SYCP2: variants seen among roughly 807,000 people sequenced by gnomAD.
SYCP2 encodes the protein synaptonemal complex protein 2.
In SYCP2, 55 loss-of-function variants were observed where a neutral mutation model predicts 211.3. That is an observed-to-expected ratio of 0.26 (90% CI 0.21 to 0.33). The LOEUF (loss-of-function observed/expected upper bound fraction) is 0.33. Ranked by LOEUF, SYCP2 falls within the 10% of genes least tolerant of loss-of-function variation. The pLI is 1.00. For missense variants in SYCP2, 1,731 were observed against 1,752.0 expected (o/e 0.99, Z 0.21); for synonymous variants, 570 against 555.2 (o/e 1.03, Z -0.37).
chr20:59,886,859 T>A, intron 24 of SYCP2, 25 bp from the exon 25 acceptor site: 1 of 1,535,844 alleles, frequency 6.5e-7, no homozygotes, highest in South Asian at 1.2e-5. Flanking sequence ...AAGTTACTTT[T>A]AAACTCTACC....
At chr20:59,902,570 A>AC (rs2060134781) in intron 15 of SYCP2, among the ~76,000 whole-genome samples, 1 of 152,118 alleles carries the variant, frequency 6.6e-6, no homozygotes, top group Non-Finnish European at 1.5e-5. Flanking sequence ...AGGATCACAC[A>AC]AAGTAGGGAA....
chr20:59,908,837 C>T (rs945626533), intron 14 of SYCP2, among the ~76,000 whole-genome samples: 2 of 152,140 alleles, frequency 1.3e-5, no homozygotes, highest in African/African-American at 4.8e-5. Context: ...CCTTCACCAT[C>T]AATTTATGAA....
In SYCP2 at chr20:59,914,085, TTC is replaced by T. The variant is rs761433094; in HGVS notation, c.777+22_777+23del. ...TAATAATTTTTAAAAATTCACGAATTTCTGTTATTGTTATACAACTTACTGTT... is the reference window on the plus strand; with the variant it reads ...TAATAATTTTTAAAAATTCACGAATTTGTTATTGTTATACAACTTACTGTT... On this transcript the variant is annotated intron_variant, in intron 11 of 44. Transcript: ENST00000357552. The T allele has an allele frequency of 8.0e-5, 127 of 1,579,990 alleles. No individual in the cohort carries two copies. The South Asian group carries it at 1.3e-3, about 16-fold the overall frequency.
Position 59,875,283 on chromosome 20 carries a change from C to G in SYCP2, c.3337G>C (p.Glu1113Gln). ...RSLSGSPSSI[E>Q]VTRCIEKITE... ...AAGTTATACTGACATCTCGTTACTT[C>G]TATAGATGATGGACTGCCAGATAAA... The change falls in exon 34 of 45, where the codon GAA becomes CAA. Residue 1113 changes from glutamate (E) to glutamine (Q), a missense_variant. By Grantham distance (29) the Glu-to-Gln change is conservative. Transcript: ENST00000357552. 1 of 1,605,072 alleles carries G rather than the reference C, an allele frequency of 6.2e-7. No individual in the cohort carries two copies. Among genetic ancestry groups the G allele is most frequent in the Non-Finnish European group, 8.5e-7 (1 of 1,175,094 alleles).
intron 14 of SYCP2, 27 bp downstream of exon 14, chr20:59,911,723 G>A (rs1378863235): frequency 8.1e-7 from 1 of 1,230,200 alleles, no homozygotes; most frequent in African/African-American, 1.5e-5. Flanking sequence ...TATACATAAA[G>A]AATAATACCA....
chr20:59,868,545 T>C lies in SYCP2; in HGVS notation c.3856A>G (p.Lys1286Glu). The stretch of plus-strand genomic sequence containing the variant: ...AGATTATCTTCTATATATATTCTTT[T>C]GCGACTAAGATGTTGGGTGGGGCCT... Reference protein sequence around the residue: ...VSGPTQHLSRKRIYIEDNLSN... With the variant: ...VSGPTQHLSRERIYIEDNLSN... Residue 1286 changes from lysine (K) to glutamate (E), a missense_variant, in exon 38 of 45, where the codon AAA (lysine) becomes GAA (glutamate). Physicochemically the swap from Lys to Glu is moderately conservative, Grantham distance 56. This residue lies in a region of SYCP2 where 1,387 missense variants were observed against 1,351.3 expected (regional missense o/e 1.03). Transcript: ENST00000357552. The C allele has an allele frequency of 6.2e-7, 1 of 1,605,056 alleles. No individual in the cohort carries two copies. The highest frequency in any genetic ancestry group is 2.2e-5 in the East Asian group (1 of 44,644).
At chr20:59,866,611 G>A in intron 39 of SYCP2, 22 bp from the exon 40 acceptor site, 1 of 1,508,642 alleles carries the variant, frequency 6.6e-7, no homozygotes, top group Non-Finnish European at 9.0e-7. Context: ...TCATTTTTAA[G>A]TTAAAATATC....
At chr20:59,887,808 A>G (rs1477259915) in intron 24 of SYCP2, among the ~76,000 whole-genome samples, 1 of 145,438 alleles carries the variant, frequency 6.9e-6, no homozygotes, top group Admixed American at 6.8e-5. Context: ...AAGAAAGAGA[A>G]AAAAAAAACA....
At chr20:59,900,850 TTTC>T (rs1176009142) in intron 16 of SYCP2, 32 bp from the exon 17 acceptor site, 3 of 1,368,024 alleles carry the variant, frequency 2.2e-6, no homozygotes, top group Non-Finnish European at 3.1e-6. Flanking sequence ...GTGATGACAT[TTTC>T]TTCATTTTCT....
chr20:59,870,844 T>A (rs2059438566), intron 35 of SYCP2, among the ~76,000 whole-genome samples: 1 of 151,798 alleles, frequency 6.6e-6, no homozygotes, highest in Non-Finnish European at 1.5e-5. Context: ...ATGACTAAAT[T>A]AAGACTATTC....
intron 44 of SYCP2, 111 bp downstream of exon 44, chr20:59,865,277 T>C (rs2059306864): frequency 1.2e-6 from 1 of 837,752 alleles, no homozygotes. Flanking sequence ...GCTAAAACTA[T>C]TTTCTCTCAA....
At chr20:59,881,097 T>C in intron 29 of SYCP2, 74 bp from the exon 30 acceptor site, 2 of 837,850 alleles carry the variant, frequency 2.4e-6, no homozygotes, top group Admixed American at 3.0e-5. Context: ...CAATGGACAA[T>C]TAGACCTGAG....
intron 31 of SYCP2, among the ~76,000 whole-genome samples, chr20:59,879,862 TACACACACACACACACAA>T (rs2059641485): frequency 8.6e-6 from 1 of 116,084 alleles, no homozygotes; most frequent in Non-Finnish European, 1.8e-5. Context: ...TATATATATA[TACACACACACACACACAA>T]ACATATAAAT....
At chr20:59,872,637 G>T (rs1279978429) in intron 35 of SYCP2, among the ~76,000 whole-genome samples, 2 of 151,834 alleles carry the variant, frequency 1.3e-5, no homozygotes, top group Admixed American at 6.6e-5. Flanking sequence ...CTATTGGGGG[G>T]GTCTTGGAAC....
chr20:59,882,013 G>A lies in SYCP2; in HGVS notation c.2601-11C>T. On this transcript the variant is annotated splice_polypyrimidine_tract_variant and intron_variant, in intron 27 of 44. Coordinates refer to ENST00000357552, the MANE Select transcript of SYCP2 (RefSeq NM_014258.4). ...TTGTAAACATCATTCCTGTGAAAAT[G>A]AAGAGCAATATTAGCTCCACTTAAA... 1.2e-6 allele frequency: 2 copies of A among 1,612,280 alleles called. No homozygotes were observed. Among genetic ancestry groups the A allele is most frequent in the Non-Finnish European group, 1.7e-6 (2 of 1,178,840 alleles).
At chr20:59,870,044 C>T (rs1215767229) in intron 35 of SYCP2, 61 bp from the exon 36 acceptor site, 1 of 1,116,946 alleles carries the variant, frequency 9.0e-7, no homozygotes, top group Non-Finnish European at 1.2e-6. Flanking sequence ...AAGCCCCCCA[C>T]TTCAAAAAGA....
chr20:59,886,881 A>C, intron 24 of SYCP2, 47 bp from the exon 25 acceptor site: 1 of 1,460,528 alleles, frequency 6.8e-7, no homozygotes, highest in Non-Finnish European at 9.1e-7. Flanking sequence ...GTTAATCTTT[A>C]AAGGAAAAAT....
intron 34 of SYCP2, 70 bp from the exon 35 acceptor site, chr20:59,874,131 C>T: frequency 1.3e-6 from 1 of 741,748 alleles, no homozygotes; most frequent in Non-Finnish European, 2.0e-6. Context: ...TTAGAAATAG[C>T]ACGATTAATT....
chr20:59,877,686 C>T, intron 32 of SYCP2, 131 bp from the exon 33 acceptor site: 1 of 766,882 alleles, frequency 1.3e-6, no homozygotes, highest in Non-Finnish European at 2.0e-6. Context: ...GATTAACATA[C>T]TTTAAATTAA....
Sources: gnomAD v4.1 joint callset for allele counts (sites outside exome capture counted in the v4.1 genomes callset) on GRCh38, gnomAD v4.1.1 for gene constraint, gnomAD v4.1.1 regional missense constraint, MANE v1.5 for transcripts, NCBI Gene and HGNC (gene_info 2026-07-23, HGNC 2026-07-21) for gene names.